DLG1: variants seen among roughly 807,000 people sequenced by gnomAD.
DLG1 encodes the protein discs large MAGUK scaffold protein 1, also known as disks large homolog 1.
Under a neutral mutation model 123.4 loss-of-function variants are expected in DLG1, and 42 were observed. That is an observed-to-expected ratio of 0.34 (90% CI 0.27 to 0.44). The LOEUF is 0.44. DLG1 is among the 20% of genes least tolerant of loss of function. DLG1 has a pLI of 1.00. For synonymous variants in DLG1, 317 were observed against 356.2 expected (o/e 0.89, Z 1.24); for missense variants, 942 against 1,082.6 (o/e 0.87, Z 1.82).
At chr3:197,076,936 A>G (rs1254943730) in intron 17 of DLG1, among the ~76,000 whole-genome samples, 1 of 152,246 alleles carries the variant, frequency 6.6e-6, no homozygotes, top group African/African-American at 2.4e-5. Context: ...TACTTGACAA[A>G]AAAAGGCAAA....
intron 4 of DLG1, among the ~76,000 whole-genome samples, chr3:197,277,589 C>A (rs1767108802): frequency 6.6e-6 from 1 of 152,102 alleles, no homozygotes; most frequent in Non-Finnish European, 1.5e-5. Flanking sequence ...GATTCACCTG[C>A]CTGGGCCTCC....
chr3:197,246,506 T>C (rs541957496), intron 4 of DLG1, among the ~76,000 whole-genome samples: 6 of 152,300 alleles, frequency 3.9e-5, no homozygotes, highest in African/African-American at 1.4e-4. Context: ...GTGCTCACCA[T>C]CAAGTTTCCC....
At chr3:197,149,519 C>T (rs187529475) in intron 6 of DLG1, among the ~76,000 whole-genome samples, 1 of 151,928 alleles carries the variant, frequency 6.6e-6, no homozygotes, top group African/African-American at 2.4e-5. Flanking sequence ...AATTAAATTA[C>T]GAATTTCTAT....
At chr3:197,081,539 T>A (rs567954047) in intron 16 of DLG1, among the ~76,000 whole-genome samples, 1 of 152,334 alleles carries the variant, frequency 6.6e-6, no homozygotes, top group East Asian at 1.9e-4. Context: ...GAGAAGGATA[T>A]GTGGACGTTC....
intron 5 of DLG1, among the ~76,000 whole-genome samples, chr3:197,163,433 C>T (rs907574086): frequency 8.5e-5 from 13 of 152,144 alleles, no homozygotes; most frequent in South Asian, 8.3e-4. Flanking sequence ...TGCAGCATCA[C>T]ACACAACAGT....
At chr3:197,281,906 T>C (rs1473747721) in intron 4 of DLG1, among the ~76,000 whole-genome samples, 1 of 152,212 alleles carries the variant, frequency 6.6e-6, no homozygotes, top group South Asian at 2.1e-4. Context: ...CAAAGTGCTA[T>C]CTGGTTGAGG....
chr3:197,183,131 A>G (rs2150151876), intron 5 of DLG1, among the ~76,000 whole-genome samples: 1 of 152,336 alleles, frequency 6.6e-6, no homozygotes, highest in African/African-American at 2.4e-5. Context: ...TATTTTCAAA[A>G]CACTGAAAAA....
intron 14 of DLG1, 118 bp downstream of exon 14, chr3:197,104,785 A>G: frequency 1.4e-6 from 1 of 713,532 alleles, no homozygotes; most frequent in Non-Finnish European, 2.4e-6. Flanking sequence ...TTAGCAAATC[A>G]GAAAAAAAGC....
At chr3:197,110,909 T>TA (rs1769613703) in intron 13 of DLG1, among the ~76,000 whole-genome samples, 1 of 152,168 alleles carries the variant, frequency 6.6e-6, no homozygotes. Context: ...CATGATCAGG[T>TA]AGAGGTGAGA....
At chr3:197,197,547 CCATCT>C (rs1388704094) in intron 4 of DLG1, among the ~76,000 whole-genome samples, 1 of 152,176 alleles carries the variant, frequency 6.6e-6, no homozygotes, top group Non-Finnish European at 1.5e-5. Flanking sequence ...TGGCTCCCTG[CCATCT>C]CCTAAGGTGA....
intron 4 of DLG1, among the ~76,000 whole-genome samples, chr3:197,280,602 C>G (rs996406968): frequency 6.6e-6 from 1 of 152,098 alleles, no homozygotes; most frequent in African/African-American, 2.4e-5. Context: ...TACATTTCCA[C>G]CAATAATGTC....
chr3:197,272,279 A>T (rs1764230719), intron 4 of DLG1, among the ~76,000 whole-genome samples: 1 of 152,080 alleles, frequency 6.6e-6, no homozygotes, highest in Non-Finnish European at 1.5e-5. Flanking sequence ...TGAGCCCGTT[A>T]GTTCAAGGGT....
intron 4 of DLG1, among the ~76,000 whole-genome samples, chr3:197,204,612 A>G (rs1561442388): frequency 6.6e-6 from 1 of 152,226 alleles, no homozygotes; most frequent in Non-Finnish European, 1.5e-5. Context: ...TGAGTTCCAT[A>G]TCTACAGATT....
At chr3:197,269,951 A>T (rs1158563410) in intron 4 of DLG1, among the ~76,000 whole-genome samples, 1 of 152,230 alleles carries the variant, frequency 6.6e-6, no homozygotes, top group South Asian at 2.1e-4. Flanking sequence ...TTAATATTTT[A>T]AAATGAATAC....
At chr3:197,182,424 A>C (rs1227824080) in intron 5 of DLG1, among the ~76,000 whole-genome samples, 1 of 152,200 alleles carries the variant, frequency 6.6e-6, no homozygotes, top group East Asian at 1.9e-4. Context: ...GAGAAAAGTA[A>C]GTAGAATTTC....
intron 22 of DLG1, among the ~76,000 whole-genome samples, chr3:197,063,496 T>C (rs1737284407): frequency 6.6e-6 from 1 of 152,186 alleles, no homozygotes; most frequent in Admixed American, 6.6e-5. Context: ...GATTTGTATT[T>C]TCCCATTTTC....
At chr3:197,120,191 G>T (rs370430202) in intron 11 of DLG1, among the ~76,000 whole-genome samples, 49 of 151,714 alleles carry the variant, frequency 3.2e-4, no homozygotes, top group African/African-American at 1.1e-3. Context: ...AACCTGGGAG[G>T]TGGAGGTTGC....
At chr3:197,245,842 G>A (rs562969009) in intron 4 of DLG1, among the ~76,000 whole-genome samples, 17 of 134,192 alleles carry the variant, frequency 1.3e-4, no homozygotes, top group South Asian at 9.7e-4. Flanking sequence ...TTATTCCCTC[G>A]TCTTTTAAAA....
chr3:197,062,264 C>T (rs932718309), intron 22 of DLG1, among the ~76,000 whole-genome samples: 1 of 152,100 alleles, frequency 6.6e-6, no homozygotes, highest in Admixed American at 6.6e-5. Context: ...ATCCAACATG[C>T]CTGTTTTATA....
Sources: gnomAD v4.1 joint callset for allele counts (sites outside exome capture counted in the v4.1 genomes callset) on GRCh38, gnomAD v4.1.1 for gene constraint, MANE v1.5 for transcripts, NCBI Gene and HGNC (gene_info 2026-07-23, HGNC 2026-07-21) for gene names.